The following FHOD3 variants were observed in gnomAD, a reference collection of about 807,000 sequenced individuals.
FHOD3 encodes the protein formin homology 2 domain containing 3, also known as FH1/FH2 domain-containing protein 3.
Under a neutral mutation model 173.0 loss-of-function variants are expected in FHOD3, and 90 were observed. The ratio of observed to expected loss-of-function variants is 0.52; its 90% CI spans 0.44 to 0.62. The LOEUF is 0.62. Among genes scored for constraint, FHOD3 ranks in the 20% least tolerant of loss-of-function variants. The pLI is 0.00. For missense variants in FHOD3, 1,945 were observed against 2,034.7 expected, an observed-to-expected ratio of 0.96 and a Z score of 0.85; for synonymous variants, 828 against 823.0, an observed-to-expected ratio of 1.01 and a Z score of -0.10.
chr18:36,425,801 A>G (rs1277376800), intron 3 of FHOD3, among the ~76,000 whole-genome samples: 1 of 152,156 alleles, frequency 6.6e-6, no homozygotes, highest in Admixed American at 6.5e-5. Context: ...TATAATTGGT[A>G]GTTGGAATAA....
intron 5 of FHOD3, among the ~76,000 whole-genome samples, chr18:36,525,254 A>G (rs1441111316): frequency 1.3e-5 from 2 of 152,196 alleles, no homozygotes; most frequent in East Asian, 1.9e-4. Flanking sequence ...GGATGGGCCT[A>G]AATAGATGAA....
intron 19 of FHOD3, among the ~76,000 whole-genome samples, chr18:36,727,274 C>G (rs1242063413): frequency 1.3e-5 from 2 of 152,048 alleles, no homozygotes; most frequent in Admixed American, 1.3e-4. Flanking sequence ...ACTGCCAATC[C>G]TTAGACATGG....
chr18:36,623,146 T>G (rs1434418132), intron 9 of FHOD3, among the ~76,000 whole-genome samples: 2 of 152,260 alleles, frequency 1.3e-5, no homozygotes, highest in African/African-American at 4.8e-5. Context: ...CCTTCAAACT[T>G]TCTGGTTATC....
intron 5 of FHOD3, among the ~76,000 whole-genome samples, chr18:36,551,747 A>G (rs1387643075): frequency 3.3e-5 from 5 of 152,336 alleles, no homozygotes; most frequent in African/African-American, 1.2e-4. Context: ...CATTTATTAA[A>G]TAGGGAATCC....
chr18:36,743,910 G>T, intron 22 of FHOD3, 122 bp from the exon 23 acceptor site: 1 of 1,081,154 alleles, frequency 9.2e-7, no homozygotes, highest in Non-Finnish European at 1.4e-6. Flanking sequence ...GTGGCCCCAG[G>T]AGCTTCAGCC....
Position 36,767,381 on chromosome 18 carries a change from G to A in FHOD3, c.4625-1884G>A, listed in dbSNP as rs146909837. ...GTTGCCCAGGCTGGAGCATAGTGGCGTGATCTCAGCTCACTGCAACCTCTG... is the reference window on the plus strand; with the variant it reads ...GTTGCCCAGGCTGGAGCATAGTGGCATGATCTCAGCTCACTGCAACCTCTG... On this transcript the variant is annotated intron_variant, in intron 27 of 28. Coordinates refer to ENST00000590592, the MANE Select transcript of FHOD3 (RefSeq NM_001281740.3). Among the ~76,000 whole-genome samples, 388 of 152,032 alleles carry A rather than the reference G, an allele frequency of 2.6e-3. 3 individuals are homozygous for A. Among genetic ancestry groups the A allele is most frequent in the South Asian group, 0.014 (69 of 4,804 alleles).
At chr18:36,585,868 C>T (rs1260009004) in intron 6 of FHOD3, among the ~76,000 whole-genome samples, 1 of 152,190 alleles carries the variant, frequency 6.6e-6, no homozygotes, top group Non-Finnish European at 1.5e-5. Context: ...CCAAAGTAGG[C>T]AGCATGCTGT....
At chr18:36,591,015 C>G (rs1218344922) in intron 6 of FHOD3, among the ~76,000 whole-genome samples, 1 of 152,168 alleles carries the variant, frequency 6.6e-6, no homozygotes, top group African/African-American at 2.4e-5. Flanking sequence ...CATTTAGAGG[C>G]TTAAACCACA....
chr18:36,393,333 T>C (rs1364091161), intron 3 of FHOD3, among the ~76,000 whole-genome samples: 2 of 152,194 alleles, frequency 1.3e-5, no homozygotes, highest in Admixed American at 6.5e-5. Flanking sequence ...CTCTCCAAGG[T>C]TTCTCCACCT....
At chr18:36,486,883 T>C (rs2054221450) in intron 3 of FHOD3, among the ~76,000 whole-genome samples, 1 of 152,240 alleles carries the variant, frequency 6.6e-6, no homozygotes, top group Non-Finnish European at 1.5e-5. Flanking sequence ...TTTCTGAAAC[T>C]TTATGTGAAT....
At chr18:36,646,421 TA>T (rs987221058) in intron 10 of FHOD3, among the ~76,000 whole-genome samples, 2 of 152,100 alleles carry the variant, frequency 1.3e-5, no homozygotes, top group Non-Finnish European at 2.9e-5. Flanking sequence ...AACCATAGAT[TA>T]AAAAACATAG....
At chr18:36,579,304 A>G (rs964354251) in intron 6 of FHOD3, among the ~76,000 whole-genome samples, 1 of 152,226 alleles carries the variant, frequency 6.6e-6, no homozygotes, top group African/African-American at 2.4e-5. Flanking sequence ...TATGATGGCC[A>G]TGATAAAACA....
At chr18:36,589,989 G>A in intron 6 of FHOD3, among the ~76,000 whole-genome samples, 1 of 152,198 alleles carries the variant, frequency 6.6e-6, no homozygotes, top group East Asian at 1.9e-4. Flanking sequence ...TCAGATTGGA[G>A]TGATGCTTTG....
intron 3 of FHOD3, among the ~76,000 whole-genome samples, chr18:36,478,865 G>C (rs2053731491): frequency 1.3e-5 from 2 of 151,748 alleles, no homozygotes; most frequent in South Asian, 4.2e-4. Context: ...TCAAACTATT[G>C]AAGATACTTT....
At chr18:36,466,657 T>G in intron 3 of FHOD3, among the ~76,000 whole-genome samples, 1 of 152,176 alleles carries the variant, frequency 6.6e-6, no homozygotes, top group East Asian at 1.9e-4. Context: ...GAATGTTAGC[T>G]GCACCTCATG....
At chr18:36,651,410 G>C (rs1314199249) in intron 11 of FHOD3, among the ~76,000 whole-genome samples, 3 of 152,174 alleles carry the variant, frequency 2.0e-5, no homozygotes, top group Non-Finnish European at 4.4e-5. Flanking sequence ...GCCCCCTGAA[G>C]ATGGAAAGCT....
In FHOD3 at chr18:36,600,029, G is replaced by A. The variant is rs116620371; in HGVS notation, c.719-2645G>A. ...CAATGATTAAGTATTGTCTTCTAAT[G>A]TACTCCAGCAGCGCTAAGGAAAAAA... is the stretch of plus-strand genomic sequence containing the variant. On this transcript the variant is annotated intron_variant, in intron 7 of 28. Coordinates refer to ENST00000590592, the MANE Select transcript of FHOD3 (RefSeq NM_001281740.3). 3.0e-3 allele frequency among the ~76,000 whole-genome samples: 453 copies of A among 152,078 alleles called. 2 individuals carry two copies. Among genetic ancestry groups the A allele is most frequent in the African/African-American group, 0.01 (420 of 41,456 alleles).
chr18:36,504,851 T>C (rs2055222109), intron 4 of FHOD3, among the ~76,000 whole-genome samples: 1 of 152,190 alleles, frequency 6.6e-6, no homozygotes, highest in African/African-American at 2.4e-5. Context: ...TAGAAATGAA[T>C]TTGAAAAATT....
intron 17 of FHOD3, among the ~76,000 whole-genome samples, chr18:36,698,590 C>CA (rs944459581): frequency 1.1e-4 from 16 of 151,144 alleles, no homozygotes; most frequent in South Asian, 4.2e-4. Context: ...ACCCCAACTC[C>CA]AAAAAAAAGA....
Sources: gnomAD v4.1 joint callset for allele counts (sites outside exome capture counted in the v4.1 genomes callset) on GRCh38, gnomAD v4.1.1 for gene constraint, MANE v1.5 for transcripts, NCBI Gene and HGNC (gene_info 2026-07-23, HGNC 2026-07-21) for gene names.